C9orf43: variants seen among roughly 807,000 people sequenced by gnomAD.
C9orf43 encodes the protein chromosome 9 open reading frame 43, also known as uncharacterized protein C9orf43.
In C9orf43, 45 loss-of-function variants were observed where a neutral mutation model predicts 59.1. The observed-to-expected ratio is 0.76, with a 90% CI of 0.60 to 0.98. The LOEUF (loss-of-function observed/expected upper bound fraction) is 0.98, where lower values mean the gene tolerates loss of function less well. Among genes scored for constraint, C9orf43 ranks in the 50% least tolerant of loss-of-function variants. The pLI, the probability that C9orf43 is intolerant of heterozygous loss-of-function variation, is 0.00. For missense variants in C9orf43, 533 were observed against 554.9 expected, an observed-to-expected ratio of 0.96 and a Z score of 0.40; for synonymous variants, 203 against 196.8, an observed-to-expected ratio of 1.03 and a Z score of -0.26.
intron 4 of C9orf43, chr9:113,420,729 G>A: frequency 1.0e-6 from 1 of 984,146 alleles, no homozygotes; most frequent in Non-Finnish European, 1.2e-6. Flanking sequence ...TTCTCTTCCT[G>A]CTCCCAAACT....
intron 3 of C9orf43, among the ~76,000 whole-genome samples, chr9:113,416,415 GT>G (rs1165850507): frequency 1.3e-5 from 2 of 152,130 alleles, no homozygotes; most frequent in African/African-American, 2.4e-5. Flanking sequence ...TGTGAGACTG[GT>G]TTTCTGATTG....
Position 113,410,777 on chromosome 9 carries a change from GT to G in C9orf43, c.-273del. On this transcript the variant is annotated 5_prime_UTR_variant, in exon 1 of 14. Transcript: ENST00000374165. Reference sequence around the variant, plus strand: ...CCGAGGCAGGCTCTGGGCCCGCCGGGTCCGTTAATCTCACCGCGCCGCAAGG... The same window carrying G: ...CCGAGGCAGGCTCTGGGCCCGCCGGGCCGTTAATCTCACCGCGCCGCAAGG... 1 of 228,860 alleles carries G rather than the reference GT, an allele frequency of 4.4e-6. No individual in the cohort carries two copies. The highest frequency in any genetic ancestry group is 7.6e-6 in the Non-Finnish European group (1 of 131,152). 14.2% of individuals were successfully genotyped at this position (228,860 alleles called of 1,614,324 possible).
chr9:113,425,436 G>T lies in C9orf43; in HGVS notation c.942+16G>T. The T allele has an allele frequency of 5.6e-6, 9 of 1,607,486 alleles. No individual in the cohort carries two copies. In the South Asian group the frequency reaches 8.8e-5, roughly 16 times the overall value. The stretch of plus-strand genomic sequence containing the variant: ...TAAGAAACAGGTAGAGTGGCAGTGA[G>T]GGGCTTGCTGGGACTGGGAGAGGTC... On this transcript the variant is annotated intron_variant, in intron 10 of 13. Transcript: ENST00000374165.
In C9orf43 at chr9:113,429,499, G is replaced by C; in HGVS notation, c.*113G>C. The C allele has an allele frequency of 3.6e-6, 3 of 830,666 alleles. No individual in the cohort carries two copies. The highest frequency in any genetic ancestry group is 5.7e-6 in the Non-Finnish European group (3 of 523,124). 51.5% of individuals were successfully genotyped at this position (830,666 alleles called of 1,614,324 possible). On this transcript the variant is annotated 3_prime_UTR_variant, in exon 14 of 14. Coordinates refer to ENST00000374165, the MANE Select transcript of C9orf43 (RefSeq NM_001278629.2). ...TTCACATAAGGGCAAGAGGAGAGGG[G>C]CTTCTGCTCTCTGGAGCCTTTACCA... is the stretch of plus-strand genomic sequence containing the variant.
At chr9:113,423,176 G>C (rs1033599634) in intron 6 of C9orf43, 150 bp from the exon 7 acceptor site, 9 of 646,636 alleles carry the variant, frequency 1.4e-5, no homozygotes, top group Non-Finnish European at 2.1e-5. Context: ...GGGAGCTTGA[G>C]AGGGAAACAT....
At chr9:113,416,049 G>A (rs1299306525) in intron 3 of C9orf43, among the ~76,000 whole-genome samples, 1 of 152,198 alleles carries the variant, frequency 6.6e-6, no homozygotes, top group Admixed American at 6.5e-5. Context: ...AGCTGTGAGA[G>A]AGCTGCCTCC....
At chr9:113,413,688 C>G in intron 2 of C9orf43, 44 bp downstream of exon 2, 1 of 1,611,608 alleles carries the variant, frequency 6.2e-7, no homozygotes, top group Non-Finnish European at 8.5e-7. Flanking sequence ...AGGTCCTTAA[C>G]GTATTTATGT....
At chr9:113,421,045 A>G in intron 4 of C9orf43, 58 bp from the exon 5 acceptor site, 3 of 1,343,456 alleles carry the variant, frequency 2.2e-6, no homozygotes, top group Non-Finnish European at 3.2e-6. Context: ...CATATCCTTA[A>G]TCTGATATAG....
chr9:113,419,038 C>A, intron 3 of C9orf43, 70 bp from the exon 4 acceptor site: 1 of 1,253,268 alleles, frequency 8.0e-7, no homozygotes, highest in Non-Finnish European at 1.1e-6. Flanking sequence ...AGGATTTCCT[C>A]ATAGCACTAA....
intron 11 of C9orf43, among the ~76,000 whole-genome samples, chr9:113,427,670 T>C (rs1828840819): frequency 6.6e-6 from 1 of 152,192 alleles, no homozygotes; most frequent in African/African-American, 2.4e-5. Context: ...GCATAATACC[T>C]CTGGTGGCAG....
Position 113,410,904 on chromosome 9 carries a change from T to C in C9orf43, c.-147T>C. On this transcript the variant is annotated 5_prime_UTR_variant, in exon 1 of 14. Transcript: ENST00000374165. ...TCGTGATCAGATTCTCCCACTTTCT[T>C]TTTTCTTTCCTGGAATGGAGTGGGC... is the stretch of plus-strand genomic sequence containing the variant. The C allele has an allele frequency of 1.0e-6, 1 of 983,308 alleles. No individual in the cohort carries two copies. Among genetic ancestry groups the C allele is most frequent in the Non-Finnish European group, 1.2e-6 (1 of 827,424 alleles). 60.9% of individuals were successfully genotyped at this position (983,308 alleles called of 1,614,324 possible). A position where few individuals can be genotyped will look rare whatever the true frequency, so the allele number is the denominator to read the frequency against.
At chr9:113,425,807 A>G in intron 11 of C9orf43, 77 bp downstream of exon 11, 1 of 1,157,568 alleles carries the variant, frequency 8.6e-7, no homozygotes. Context: ...AAAGCTAAAC[A>G]TGCTCTTGTC....
rs1308815196 is a variant in C9orf43, at chr9:113,412,410, A to G, written c.-49-1035A>G. On this transcript the variant is annotated intron_variant, in intron 1 of 13. Transcript: ENST00000374165. ...TTTGATCTAAATTATGAAACTGTTT[A>G]GAACAGGGAGTTTGTTTATTACTGT... Among the ~76,000 whole-genome samples, 28 of 152,260 alleles carry G rather than the reference A, an allele frequency of 1.8e-4. 1 individual carries two copies. Among genetic ancestry groups the G allele is most frequent in the Admixed American group, 1.7e-3 (26 of 15,282 alleles).
intron 6 of C9orf43, among the ~76,000 whole-genome samples, chr9:113,422,912 G>C (rs1197256062): frequency 1.3e-5 from 2 of 152,084 alleles, no homozygotes; most frequent in East Asian, 3.8e-4. Flanking sequence ...TATAAGACCT[G>C]GGCTTCTAAC....
At chr9:113,425,791 G>A in intron 11 of C9orf43, 61 bp downstream of exon 11, 1 of 1,310,168 alleles carries the variant, frequency 7.6e-7, no homozygotes, top group Non-Finnish European at 1.1e-6. Context: ...GTATCTGAGG[G>A]CAGGAAAAGC....
intron 11 of C9orf43, among the ~76,000 whole-genome samples, chr9:113,427,099 C>T (rs924788398): frequency 3.9e-5 from 6 of 152,184 alleles, no homozygotes; most frequent in African/African-American, 1.2e-4. Flanking sequence ...ACTGCTAAGT[C>T]TTTTGACCTT....
At chr9:113,422,465 T>G (rs1397252146) in intron 5 of C9orf43, 84 bp from the exon 6 acceptor site, 68 of 1,552,272 alleles carry the variant, frequency 4.4e-5, no homozygotes, top group Non-Finnish European at 5.9e-5. Flanking sequence ...CTGTTTAAGA[T>G]ATCTGGGAAT....
At chr9:113,425,258 A>G in intron 9 of C9orf43, 86 bp from the exon 10 acceptor site, 1 of 1,584,712 alleles carries the variant, frequency 6.3e-7, no homozygotes, top group East Asian at 2.2e-5. Flanking sequence ...CCAGGGAGTC[A>G]CCATTGTGAA....
chr9:113,415,155 T>G (rs552301563), intron 3 of C9orf43, among the ~76,000 whole-genome samples: 1 of 151,874 alleles, frequency 6.6e-6, no homozygotes, highest in South Asian at 2.1e-4. Context: ...TCCTTTTTTT[T>G]TGGTGGGGGA....
Sources: gnomAD v4.1 joint callset for allele counts (sites outside exome capture counted in the v4.1 genomes callset) on GRCh38, gnomAD v4.1.1 for gene constraint, MANE v1.5 for transcripts, NCBI Gene and HGNC (gene_info 2026-07-23, HGNC 2026-07-21) for gene names.